The following SERTAD2 variants were observed in gnomAD, a reference collection of about 807,000 sequenced individuals.
SERTAD2 encodes the protein SERTA domain containing 2, also known as SERTA domain-containing protein 2.
In SERTAD2, 2 loss-of-function variants were observed where a neutral mutation model predicts 15.4. The ratio of observed to expected loss-of-function variants is 0.13; its 90% CI spans 0.05 to 0.41. The LOEUF (loss-of-function observed/expected upper bound fraction) is 0.41, where lower values mean the gene tolerates loss of function less well. Ranked by LOEUF, SERTAD2 falls within the 10% of genes least tolerant of loss-of-function variation. The pLI is 0.99. For missense variants in SERTAD2, 333 were observed against 409.7 expected, an observed-to-expected ratio of 0.81 and a Z score of 1.62; for synonymous variants, 180 against 178.0, an observed-to-expected ratio of 1.01 and a Z score of -0.09.
chr2:64,640,431 C>T (rs1251382012), intron 1 of SERTAD2, among the ~76,000 whole-genome samples: 8 of 152,148 alleles, frequency 5.3e-5, no homozygotes, highest in Non-Finnish European at 1.2e-4. Context: ...CTGGCTCAGG[C>T]TGGCCAAGGT....
rs542978659 is a variant in SERTAD2, at chr2:64,632,942, T to C, written c.*2985A>G. 6.5e-6 allele frequency: 1 copy of C among 152,774 alleles called. No homozygotes were observed. The highest frequency in any genetic ancestry group is 1.9e-4 in the East Asian group (1 of 5,186). 9.5% of individuals were successfully genotyped at this position (152,774 alleles called of 1,614,324 possible). ...ATTCTGCTCTCATCTTGTCACTTCATTGCACATCAGTGTCAATAACTGTCC... is the reference window on the plus strand; with the variant it reads ...ATTCTGCTCTCATCTTGTCACTTCACTGCACATCAGTGTCAATAACTGTCC... On this transcript the variant is annotated 3_prime_UTR_variant, in exon 2 of 2. Transcript: ENST00000313349.
chr2:64,650,183 A>G (rs1479124089), intron 1 of SERTAD2, among the ~76,000 whole-genome samples: 1 of 152,228 alleles, frequency 6.6e-6, no homozygotes, highest in African/African-American at 2.4e-5. Context: ...AGAATTTTCA[A>G]AAGAGAGTTT....
chr2:64,647,361 T>C (rs1674923734), intron 1 of SERTAD2, among the ~76,000 whole-genome samples: 1 of 152,208 alleles, frequency 6.6e-6, no homozygotes, highest in Non-Finnish European at 1.5e-5. Context: ...ATTTTGAGTC[T>C]AAGGCCTCAT....
chr2:64,644,542 C>T (rs1026116829), intron 1 of SERTAD2: 5 of 152,290 alleles, frequency 3.3e-5, no homozygotes, highest in African/African-American at 1.2e-4. Context: ...AAGCCCGATC[C>T]TAACTGGGGG....
At chr2:64,652,056 T>C (rs1558657473) in intron 1 of SERTAD2, among the ~76,000 whole-genome samples, 1 of 151,532 alleles carries the variant, frequency 6.6e-6, no homozygotes, top group South Asian at 2.1e-4. Context: ...TATTAACATA[T>C]AATACCCCTC....
intron 1 of SERTAD2, among the ~76,000 whole-genome samples, chr2:64,649,266 G>A (rs530123017): frequency 2.0e-4 from 31 of 152,378 alleles, no homozygotes; most frequent in African/African-American, 7.2e-4. Context: ...CCAAACCCCA[G>A]GAGCTGCAGT....
At chr2:64,637,850 G>A (rs780690448) in intron 1 of SERTAD2, among the ~76,000 whole-genome samples, 1 of 152,150 alleles carries the variant, frequency 6.6e-6, no homozygotes. Context: ...CTCTTGCTCT[G>A]GCCTTAGTGA....
At chr2:64,639,520 T>G (rs1199369664) in intron 1 of SERTAD2, among the ~76,000 whole-genome samples, 2 of 152,192 alleles carry the variant, frequency 1.3e-5, no homozygotes, top group Non-Finnish European at 1.5e-5. Flanking sequence ...GAAAACAAAC[T>G]AGCTTATTGC....
chr2:64,636,612 G>A lies in SERTAD2; in HGVS notation c.260C>T (p.Thr87Ile). The A allele has an allele frequency of 1.2e-6, 2 of 1,611,102 alleles. No homozygotes were observed. The highest frequency in any genetic ancestry group is 1.7e-6 in the Non-Finnish European group (2 of 1,177,906). Residue 87 changes from threonine (T) to isoleucine (I), a missense_variant, in exon 2 of 2, where the codon ACC becomes ATC. Physicochemically the swap from Thr to Ile is moderately conservative, Grantham distance 89. This residue lies in a region of SERTAD2 where 332 missense variants were observed against 392.9 expected (regional missense o/e 0.84). Transcript: ENST00000313349. ...KQEGSLRPMF[T>I]PSSQPTTEPS... Reference sequence around the variant, plus strand: ...CTCGGTGGTGGGCTGGGAGGAGGGGGTGAACATGGGCCTCAGGCTGCCTTC... The same window carrying A: ...CTCGGTGGTGGGCTGGGAGGAGGGGATGAACATGGGCCTCAGGCTGCCTTC...
intron 1 of SERTAD2, among the ~76,000 whole-genome samples, chr2:64,637,651 T>G (rs567194498): frequency 6.0e-4 from 92 of 152,358 alleles, no homozygotes; most frequent in Non-Finnish European, 1.2e-3. Context: ...TTATAAGCAT[T>G]GCTGTTTGGG....
chr2:64,641,867 T>C (rs1246646645), intron 1 of SERTAD2, among the ~76,000 whole-genome samples: 1 of 152,184 alleles, frequency 6.6e-6, no homozygotes, highest in African/African-American at 2.4e-5. Flanking sequence ...CGGACAAGCC[T>C]TAGGTTCACC....
Position 64,635,844 on chromosome 2 carries a change from G to T in SERTAD2, c.*83C>A. The T allele has an allele frequency of 9.3e-7, 1 of 1,072,202 alleles. No homozygotes were observed. Among genetic ancestry groups the T allele is most frequent in the Non-Finnish European group, 1.4e-6 (1 of 725,976 alleles). 66.4% of individuals were successfully genotyped at this position (1,072,202 alleles called of 1,614,324 possible). ...TTTTTCTCTGAAAAAGGCAAGCAAGGGTGCATGCACAGTGTGGAGAACTGT... is the reference window on the plus strand; with the variant it reads ...TTTTTCTCTGAAAAAGGCAAGCAAGTGTGCATGCACAGTGTGGAGAACTGT... On this transcript the variant is annotated 3_prime_UTR_variant, in exon 2 of 2. Coordinates refer to ENST00000313349, the MANE Select transcript of SERTAD2 (RefSeq NM_014755.3).
At chr2:64,638,877 A>C (rs191904250) in intron 1 of SERTAD2, among the ~76,000 whole-genome samples, 1 of 152,232 alleles carries the variant, frequency 6.6e-6, no homozygotes. Flanking sequence ...TCCTATCTAA[A>C]GTATCTGTTT....
intron 1 of SERTAD2, among the ~76,000 whole-genome samples, chr2:64,648,506 A>T (rs1315192404): frequency 2.0e-5 from 3 of 152,244 alleles, no homozygotes; most frequent in Non-Finnish European, 4.4e-5. Flanking sequence ...TTGATAATGA[A>T]TGGCTCATTG....
In SERTAD2 at chr2:64,635,172, A is replaced by G. The variant is rs1279525270; in HGVS notation, c.*755T>C. ...CCTGTGTTTGCATTTGGGGACATCA[A>G]CTGCAGATTGATTTGATCCAATTTT... On this transcript the variant is annotated 3_prime_UTR_variant, in exon 2 of 2. Coordinates refer to ENST00000313349, the MANE Select transcript of SERTAD2 (RefSeq NM_014755.3). The G allele has an allele frequency of 6.6e-6, 1 of 152,628 alleles. No homozygotes were observed. The highest frequency in any genetic ancestry group is 6.5e-5 in the Admixed American group (1 of 15,288). 9.5% of individuals were successfully genotyped at this position (152,628 alleles called of 1,614,324 possible).
At chr2:64,645,676 C>G (rs924976004) in intron 1 of SERTAD2, among the ~76,000 whole-genome samples, 7 of 152,170 alleles carry the variant, frequency 4.6e-5, no homozygotes, top group African/African-American at 1.7e-4. Flanking sequence ...GGGAATGTTT[C>G]AAGTAAATAT....
intron 1 of SERTAD2, among the ~76,000 whole-genome samples, chr2:64,637,761 G>C (rs1478721142): frequency 2.0e-5 from 3 of 152,170 alleles, no homozygotes; most frequent in African/African-American, 7.2e-5. Flanking sequence ...TGAGAATCTG[G>C]TAATGGGTTG....
intron 1 of SERTAD2, among the ~76,000 whole-genome samples, chr2:64,649,858 G>C (rs566468577): frequency 2.2e-4 from 34 of 152,290 alleles, no homozygotes; most frequent in African/African-American, 7.9e-4. Flanking sequence ...TCTCTACTCA[G>C]GGTGGAGGTG....
In SERTAD2 at chr2:64,634,289, C is replaced by T. The variant is rs1277187073; in HGVS notation, c.*1638G>A. On this transcript the variant is annotated 3_prime_UTR_variant, in exon 2 of 2. Coordinates refer to ENST00000313349, the MANE Select transcript of SERTAD2 (RefSeq NM_014755.3). ...GGCCATAAACAGTTTCGGCAACAAG[C>T]ATGATACATTGCAACCTTTTTAAAA... The T allele has an allele frequency of 6.8e-6, 1 of 147,648 alleles. No individual in the cohort carries two copies. Among genetic ancestry groups the T allele is most frequent in the Non-Finnish European group, 1.5e-5 (1 of 67,536 alleles). 9.1% of individuals were successfully genotyped at this position (147,648 alleles called of 1,614,324 possible). A position where few individuals can be genotyped will look rare whatever the true frequency, so the allele number is the denominator to read the frequency against.
Sources: gnomAD v4.1 joint callset for allele counts (sites outside exome capture counted in the v4.1 genomes callset) on GRCh38, gnomAD v4.1.1 for gene constraint, gnomAD v4.1.1 regional missense constraint, MANE v1.5 for transcripts, NCBI Gene and HGNC (gene_info 2026-07-23, HGNC 2026-07-21) for gene names.